The following SPOCK1 variants were observed in gnomAD, a reference collection of about 807,000 sequenced individuals.
SPOCK1 encodes the protein testican-1.
SPOCK1 carries 23 observed loss-of-function variants against 55.3 expected under a neutral mutation model. The observed-to-expected ratio is 0.42, with a 90% CI of 0.30 to 0.59. SPOCK1 has a LOEUF of 0.59. Among genes scored for constraint, SPOCK1 ranks in the 20% least tolerant of loss-of-function variants. SPOCK1 has a pLI of 0.22. For synonymous variants in SPOCK1, 226 were observed against 221.0 expected (o/e 1.02, Z -0.20); for missense variants, 499 against 552.5 (o/e 0.90, Z 0.97).
chr5:137,391,612 C>G (rs1009587629), intron 2 of SPOCK1, among the ~76,000 whole-genome samples: 1 of 152,172 alleles, frequency 6.6e-6, no homozygotes, highest in East Asian at 1.9e-4. Context: ...TCTCCCAGCC[C>G]CACCAAACCC....
chr5:137,331,006 C>G (rs1266646655), intron 2 of SPOCK1, among the ~76,000 whole-genome samples: 1 of 152,160 alleles, frequency 6.6e-6, no homozygotes, highest in African/African-American at 2.4e-5. Flanking sequence ...TTCCAAAAGC[C>G]ATGTAATCAG....
chr5:137,323,116 T>C (rs1402529895), intron 2 of SPOCK1, among the ~76,000 whole-genome samples: 1 of 152,204 alleles, frequency 6.6e-6, no homozygotes, highest in African/African-American at 2.4e-5. Flanking sequence ...GATTAAGTTT[T>C]TAACATGTGC....
chr5:137,084,346 G>C (rs564406453), intron 5 of SPOCK1, among the ~76,000 whole-genome samples: 1 of 152,014 alleles, frequency 6.6e-6, no homozygotes, highest in African/African-American at 2.4e-5. Flanking sequence ...GAGTGGTGTG[G>C]GAATTGCAAG....
At chr5:137,468,916 C>G (rs542791703) in intron 2 of SPOCK1, among the ~76,000 whole-genome samples, 2 of 152,196 alleles carry the variant, frequency 1.3e-5, no homozygotes, top group African/African-American at 4.8e-5. Flanking sequence ...TCACCCACCT[C>G]ATCACAATTA....
chr5:137,116,460 C>T (rs553988677), intron 4 of SPOCK1, among the ~76,000 whole-genome samples: 38 of 152,128 alleles, frequency 2.5e-4, no homozygotes, highest in Non-Finnish European at 5.4e-4. Flanking sequence ...GCCTGGCCAA[C>T]ATAGCGAAAC....
chr5:137,286,140 G>T (rs769053300), intron 2 of SPOCK1, among the ~76,000 whole-genome samples: 2 of 152,162 alleles, frequency 1.3e-5, no homozygotes, highest in African/African-American at 2.4e-5. Flanking sequence ...GTGCTGAGAT[G>T]TTAGGGAACC....
intron 3 of SPOCK1, among the ~76,000 whole-genome samples, chr5:137,218,883 G>C (rs1755769815): frequency 6.6e-6 from 1 of 152,136 alleles, no homozygotes; most frequent in South Asian, 2.1e-4. Flanking sequence ...AGGCGGCATG[G>C]TGATATGAAA....
intron 6 of SPOCK1, among the ~76,000 whole-genome samples, chr5:137,005,629 A>G (rs1751233374): frequency 1.3e-5 from 2 of 152,162 alleles, no homozygotes; most frequent in African/African-American, 4.8e-5. Flanking sequence ...AAAGTGGAGA[A>G]GCACAAGGGA....
chr5:137,358,455 AAGGGGAGGG>A, intron 2 of SPOCK1, among the ~76,000 whole-genome samples: 1 of 67,356 alleles, frequency 1.5e-5, no homozygotes, highest in Non-Finnish European at 3.0e-5. Context: ...GGAGGGAGGG[AAGGGGAGGG>A]GAGGGGAGGG....
chr5:137,069,012 A>AT (rs1225074857), intron 5 of SPOCK1, among the ~76,000 whole-genome samples: 1 of 152,224 alleles, frequency 6.6e-6, no homozygotes, highest in Non-Finnish European at 1.5e-5. Context: ...ATCAGGTGCC[A>AT]TGGGGAATCT....
intron 2 of SPOCK1, among the ~76,000 whole-genome samples, chr5:137,345,262 C>T (rs541886998): frequency 4.2e-4 from 64 of 152,288 alleles, no homozygotes; most frequent in African/African-American, 1.4e-3. Flanking sequence ...TGCCTTTAAA[C>T]GACCAGTTTC....
chr5:137,156,050 G>C (rs961307065), intron 3 of SPOCK1, among the ~76,000 whole-genome samples: 1 of 152,186 alleles, frequency 6.6e-6, no homozygotes, highest in African/African-American at 2.4e-5. Context: ...GTAGCATTAA[G>C]GGATGGAGTA....
In SPOCK1 at chr5:137,433,178, C is replaced by T. The variant is rs373242748; in HGVS notation, c.186+65195G>A. Reference sequence around the variant, plus strand: ...TTTGAGGAAAGTTCCAAAGAAGAGACGGAAATGGAGCTGGACTTGAAAAAC... The same window carrying T: ...TTTGAGGAAAGTTCCAAAGAAGAGATGGAAATGGAGCTGGACTTGAAAAAC... On this transcript the variant is annotated intron_variant, in intron 2 of 10. Coordinates refer to ENST00000394945, the MANE Select transcript of SPOCK1 (RefSeq NM_004598.4). Among the ~76,000 whole-genome samples, 6 of 152,128 alleles carry T rather than the reference C, an allele frequency of 3.9e-5. No individual in the cohort carries two copies. In the East Asian group the frequency reaches 5.8e-4, roughly 15 times the overall value.
intron 2 of SPOCK1, among the ~76,000 whole-genome samples, chr5:137,336,265 C>T (rs1367782443): frequency 6.6e-6 from 1 of 152,150 alleles, no homozygotes; most frequent in Non-Finnish European, 1.5e-5. Flanking sequence ...CTTAGCTCAT[C>T]AGCATTTTTC....
At chr5:137,418,093 C>T (rs185728701) in intron 2 of SPOCK1, among the ~76,000 whole-genome samples, 82 of 152,192 alleles carry the variant, frequency 5.4e-4, no homozygotes, top group Admixed American at 3.1e-3. Context: ...CTGAGAATGA[C>T]GGCTTCCAGC....
At chr5:137,488,104 C>A (rs1347110182) in intron 2 of SPOCK1, among the ~76,000 whole-genome samples, 1 of 152,132 alleles carries the variant, frequency 6.6e-6, no homozygotes, top group Non-Finnish European at 1.5e-5. Flanking sequence ...GGGCTGAGCA[C>A]AGTGGCTCAC....
intron 3 of SPOCK1, among the ~76,000 whole-genome samples, chr5:137,174,357 C>T (rs1235454958): frequency 2.6e-5 from 4 of 152,230 alleles, no homozygotes; most frequent in Admixed American, 2.0e-4. Flanking sequence ...GCTGACCTAA[C>T]TCAGTGGTAA....
intron 2 of SPOCK1, among the ~76,000 whole-genome samples, chr5:137,416,954 G>T (rs916243411): frequency 3.9e-5 from 6 of 152,038 alleles, no homozygotes; most frequent in Non-Finnish European, 8.8e-5. Context: ...TGAATATTTT[G>T]TGAAGTTTTT....
chr5:137,216,180 G>GTGTCACAGGA (rs1234090422), intron 3 of SPOCK1, among the ~76,000 whole-genome samples: 32 of 152,282 alleles, frequency 2.1e-4, no homozygotes, highest in African/African-American at 7.5e-4. Context: ...CAGACAGAAT[G>GTGTCACAGGA]GGTGACACAT....
Sources: allele counts gnomAD v4.1 joint callset (sites outside exome capture counted in the v4.1 genomes callset), GRCh38; gene constraint gnomAD v4.1.1; transcripts MANE v1.5; gene names NCBI Gene and HGNC (gene_info 2026-07-23, HGNC 2026-07-21).